ANK3: variants seen among roughly 807,000 people sequenced by gnomAD.
ANK3 encodes the protein ankyrin 3.
Under a neutral mutation model 370.9 loss-of-function variants are expected in ANK3, and 57 were observed. The ratio of observed to expected loss-of-function variants is 0.15; its 90% CI spans 0.12 to 0.19. ANK3 has a LOEUF of 0.19. Among genes scored for constraint, ANK3 ranks in the 10% least tolerant of loss-of-function variants. The pLI is 1.00. For synonymous variants in ANK3, 1,929 were observed against 1,946.3 expected (o/e 0.99, Z 0.23); for missense variants, 4,439 against 5,302.1 (o/e 0.84, Z 5.06).
At chr10:60,231,981 A>G (rs772012879) in intron 8 of ANK3, among the ~76,000 whole-genome samples, 4 of 152,170 alleles carry the variant, frequency 2.6e-5, no homozygotes, top group Non-Finnish European at 4.4e-5. Flanking sequence ...TGGCACAGAA[A>G]CCAAGTTGCA....
chr10:60,326,299 A>T (rs2049856426), intron 1 of ANK3, among the ~76,000 whole-genome samples: 1 of 152,128 alleles, frequency 6.6e-6, no homozygotes. Context: ...ATAATAATAA[A>T]AATAAATTAC....
chr10:60,166,443 T>C (rs1359161027), intron 23 of ANK3, 148 bp downstream of exon 23: 2 of 649,632 alleles, frequency 3.1e-6, no homozygotes, highest in East Asian at 2.8e-5. Flanking sequence ...TAGTACCAGA[T>C]ATACATTATT....
Position 60,074,449 on chromosome 10 carries a change from A to C in ANK3, c.6432T>G (p.Ala2144=), listed in dbSNP as rs375149033. ...AAAGTGGTTTAGGACCAGTGCTTTC[A>C]GCGCTTTGTGGGGCTGAAGGTGTCT... The part of the protein sequence containing the change: ...SEKTPSAPQS[A]ESTGPKPLFH... Residue 2144 remains alanine, a synonymous_variant, in exon 37 of 44, where the codon GCT becomes GCG. Transcript: ENST00000280772. 1.5e-5 allele frequency: 24 copies of C among 1,614,012 alleles called. No homozygotes were observed. Among genetic ancestry groups the C allele is most frequent in the African/African-American group, 2.7e-5 (2 of 74,936 alleles).
In ANK3 at chr10:60,234,679, C is replaced by A. The variant is rs762943984; in HGVS notation, c.897+9G>T. 5 of 1,585,874 alleles carry A rather than the reference C, an allele frequency of 3.2e-6. No individual in the cohort carries two copies. Among genetic ancestry groups the A allele is most frequent in the Non-Finnish European group, 3.5e-6 (4 of 1,154,720 alleles). ...CAAGTAGAAGCAGGTACATAAGTTG[C>A]ACACTTACCCTGGTTTTGGCATCGA... On this transcript the variant is annotated intron_variant, in intron 8 of 43. Transcript: ENST00000280772.
chr10:60,226,115 A>T (rs1180063401), intron 8 of ANK3, among the ~76,000 whole-genome samples: 1 of 137,504 alleles, frequency 7.3e-6, no homozygotes, highest in Non-Finnish European at 1.5e-5. Context: ...ATTTACTGTA[A>T]TATATATTAT....
At chr10:60,696,468 A>G (rs2079451583) in intron 1 of ANK3, among the ~76,000 whole-genome samples, 1 of 151,554 alleles carries the variant, frequency 6.6e-6, no homozygotes, top group South Asian at 2.1e-4. Flanking sequence ...ATTTTAGACC[A>G]ATATCCTTGA....
At chr10:60,134,588 C>G (rs2094246290) in intron 24 of ANK3, among the ~76,000 whole-genome samples, 2 of 152,066 alleles carry the variant, frequency 1.3e-5, no homozygotes, top group Admixed American at 1.3e-4. Flanking sequence ...TAAAATTAGG[C>G]CAATTTTGAG....
At chr10:60,703,652 A>C (rs2086295) in intron 1 of ANK3, among the ~76,000 whole-genome samples, 7,908 of 152,278 alleles carry the variant, frequency 0.052, 284 homozygotes, top group African/African-American at 0.086. Flanking sequence ...TTTATTATGA[A>C]GTATTTCAAA....
At chr10:60,711,651 G>T (rs1442555) in intron 1 of ANK3, among the ~76,000 whole-genome samples, 42,765 of 151,864 alleles carry the variant, frequency 0.28, 6,808 homozygotes, top group South Asian at 0.48. Context: ...AAGAACAAAA[G>T]AAATATTTGA....
intron 2 of ANK3, among the ~76,000 whole-genome samples, chr10:60,516,418 G>C (rs2076220778): frequency 6.6e-6 from 1 of 152,024 alleles, no homozygotes; most frequent in Non-Finnish European, 1.5e-5. Context: ...GAAGAGAGAG[G>C]GACAGAGTGG....
intron 8 of ANK3, among the ~76,000 whole-genome samples, chr10:60,217,566 A>C (rs1422938268): frequency 6.6e-6 from 1 of 152,088 alleles, no homozygotes; most frequent in African/African-American, 2.4e-5. Flanking sequence ...GTAATTGTGT[A>C]GTTTTCAGCG....
At chr10:60,254,121 T>G (rs1476088692) in intron 7 of ANK3, among the ~76,000 whole-genome samples, 1 of 152,180 alleles carries the variant, frequency 6.6e-6, no homozygotes, top group Non-Finnish European at 1.5e-5. Context: ...CTGTACACTT[T>G]AAATGATCTC....
intron 36 of ANK3, among the ~76,000 whole-genome samples, chr10:60,078,277 T>C (rs1355618342): frequency 6.6e-6 from 1 of 152,206 alleles, no homozygotes; most frequent in East Asian, 1.9e-4. Flanking sequence ...AACATATCCT[T>C]TCCTAGGCTT....
At chr10:60,687,061 G>A (rs940940200) in intron 1 of ANK3, among the ~76,000 whole-genome samples, 1 of 152,098 alleles carries the variant, frequency 6.6e-6, no homozygotes, top group Non-Finnish European at 1.5e-5. Flanking sequence ...TTATAGCCTA[G>A]GAGCTATAGG....
At position 60,203,021 on chromosome 10, in the gene ANK3, G is replaced by A. The variant is rs1237003056; in HGVS notation, c.1373C>T (p.Ser458Leu). Residue 458 changes from serine to leucine, a missense_variant, in exon 12 of 44, where the codon TCA (serine) becomes TTA (leucine). By Grantham distance (145) the Ser-to-Leu change is moderately radical (BLOSUM62 -2). Around this residue, in one of 13 missense-constraint regions of ANK3, gnomAD observed 227 missense variants for 377.6 expected, o/e 0.60. Coordinates refer to ENST00000280772, the MANE Select transcript of ANK3 (RefSeq NM_020987.5). ...IVSQLMHHGA[S>L]PNTTNVRGET... ...ACTTACCACATTGGTGGTGTTTGGT[G>A]AGGCTCCATGATGCATTAGTTGTGA... The A allele has an allele frequency of 1.9e-6, 3 of 1,612,290 alleles. No homozygotes were observed. The highest frequency in any genetic ancestry group is 2.7e-5 in the African/African-American group (2 of 74,868).
intron 2 of ANK3, among the ~76,000 whole-genome samples, chr10:60,451,812 T>C (rs2064611485): frequency 2.0e-5 from 3 of 152,166 alleles, no homozygotes; most frequent in Admixed American, 2.0e-4. Context: ...CCCTTAGGCC[T>C]AGCCTGAGAG....
intron 25 of ANK3, among the ~76,000 whole-genome samples, chr10:60,120,910 C>G (rs902741595): frequency 1.3e-5 from 2 of 151,868 alleles, no homozygotes; most frequent in African/African-American, 4.8e-5. Flanking sequence ...GGAGGTTCCT[C>G]GAAAAACTGA....
intron 1 of ANK3, among the ~76,000 whole-genome samples, chr10:60,283,540 CT>C (rs2098197959): frequency 6.6e-6 from 1 of 152,210 alleles, no homozygotes; most frequent in East Asian, 1.9e-4. Context: ...TTGTTCAGCA[CT>C]TTTTTTCCTC....
intron 2 of ANK3, among the ~76,000 whole-genome samples, chr10:60,545,349 T>C (rs570455694): frequency 6.6e-6 from 1 of 152,212 alleles, no homozygotes; most frequent in South Asian, 2.1e-4. Context: ...TTTCCAGCTA[T>C]GTATCTCTGG....
Sources: allele counts gnomAD v4.1 joint callset (sites outside exome capture counted in the v4.1 genomes callset), GRCh38; gene constraint gnomAD v4.1.1; regional missense constraint gnomAD v4.1.1; transcripts MANE v1.5; gene names NCBI Gene and HGNC (gene_info 2026-07-23, HGNC 2026-07-21).